The following SYT1 variants were observed in gnomAD, a reference collection of about 807,000 sequenced individuals.
The protein encoded by SYT1 is synaptotagmin-1.
A neutral mutation model predicts 44.8 loss-of-function variants in SYT1; 8 were observed. That is an observed-to-expected ratio of 0.18 (90% CI 0.10 to 0.32). The LOEUF is 0.32. SYT1 is among the 10% of genes least tolerant of loss of function. The pLI, the probability that SYT1 is intolerant of heterozygous loss-of-function variation, is 1.00. For synonymous variants in SYT1, 154 were observed against 188.8 expected, an observed-to-expected ratio of 0.82 and a Z score of 1.51; for missense variants, 286 against 509.3, an observed-to-expected ratio of 0.56 and a Z score of 4.22.
intron 3 of SYT1, among the ~76,000 whole-genome samples, chr12:79,121,289 C>A (rs1360433538): frequency 6.6e-6 from 1 of 152,074 alleles, no homozygotes; most frequent in African/African-American, 2.4e-5. Context: ...CACCTCCTTC[C>A]CAGCCATTGC....
At chr12:79,115,235 A>G (rs1316130794) in intron 3 of SYT1, among the ~76,000 whole-genome samples, 2 of 152,182 alleles carry the variant, frequency 1.3e-5, no homozygotes, top group South Asian at 2.1e-4. Context: ...GTCCATTTTT[A>G]TTACCTCTGG....
At chr12:78,967,622 T>A (rs188506361) in intron 1 of SYT1, among the ~76,000 whole-genome samples, 1 of 152,132 alleles carries the variant, frequency 6.6e-6, no homozygotes, top group East Asian at 1.9e-4. Flanking sequence ...GCATATGACA[T>A]TTCATTTGAG....
In SYT1 at chr12:79,287,690, A is replaced by C. The variant is rs117943027; in HGVS notation, c.351+1719A>C. ...TTTCTTCCTAGGACAATAAATCTAT[A>C]ATATTTGTGGGATTTGTTCTGTATG... is the stretch of plus-strand genomic sequence containing the variant. On this transcript the variant is annotated intron_variant, in intron 5 of 10. Coordinates refer to ENST00000261205, the MANE Select transcript of SYT1 (RefSeq NM_005639.3). Among the ~76,000 whole-genome samples, 858 of 152,236 alleles carry C rather than the reference A, an allele frequency of 5.6e-3. 25 individuals carry two copies. Among genetic ancestry groups the C allele is most frequent in the East Asian group, 0.038 (196 of 5,188 alleles).
intron 8 of SYT1, among the ~76,000 whole-genome samples, chr12:79,339,334 G>T (rs1175776642): frequency 6.6e-6 from 1 of 152,138 alleles, no homozygotes; most frequent in African/African-American, 2.4e-5. Flanking sequence ...AGCACCTGTT[G>T]TTTCCTGACT....
At chr12:78,876,809 A>ATT (rs1299573630) in intron 1 of SYT1, among the ~76,000 whole-genome samples, 9 of 23,348 alleles carry the variant, frequency 3.9e-4, no homozygotes, top group African/African-American at 1.4e-3. Context: ...TATTATATGT[A>ATT]ATACATATCA....
intron 3 of SYT1, among the ~76,000 whole-genome samples, chr12:79,057,105 T>G (rs1360273548): frequency 6.6e-6 from 1 of 152,042 alleles, no homozygotes; most frequent in Non-Finnish European, 1.5e-5. Flanking sequence ...AATAAGTATC[T>G]TAGCATTTTC....
At chr12:79,441,554 A>C (rs1328708654) in intron 9 of SYT1, among the ~76,000 whole-genome samples, 5 of 152,100 alleles carry the variant, frequency 3.3e-5, no homozygotes, top group Non-Finnish European at 7.4e-5. Flanking sequence ...ACCTCAGGTG[A>C]TCTACCTGCC....
intron 9 of SYT1, among the ~76,000 whole-genome samples, chr12:79,431,072 C>T (rs1337416356): frequency 2.6e-5 from 4 of 152,158 alleles, no homozygotes; most frequent in Non-Finnish European, 4.4e-5. Flanking sequence ...GTCTTACATC[C>T]GAAGTTATCA....
intron 8 of SYT1, among the ~76,000 whole-genome samples, chr12:79,317,810 C>T (rs1230261333): frequency 6.6e-6 from 1 of 152,126 alleles, no homozygotes; most frequent in Non-Finnish European, 1.5e-5. Context: ...ACTGAGTGCA[C>T]TGCTGTGGGT....
At chr12:79,356,352 C>G (rs1883111933) in intron 9 of SYT1, among the ~76,000 whole-genome samples, 2 of 151,992 alleles carry the variant, frequency 1.3e-5, no homozygotes, top group Admixed American at 1.3e-4. Context: ...TCATGCTTCT[C>G]TCTCACTAGA....
chr12:79,435,802 G>A (rs183112851), intron 9 of SYT1, among the ~76,000 whole-genome samples: 2 of 152,290 alleles, frequency 1.3e-5, no homozygotes, highest in Admixed American at 1.3e-4. Context: ...TATATTGTAT[G>A]TTTAGCAGAA....
chr12:79,448,900 T>C lies in SYT1; in HGVS notation c.1063-18T>C, dbSNP rs1386764808. 6.2e-7 allele frequency: 1 copy of C among 1,613,120 alleles called. No individual in the cohort carries two copies. Among genetic ancestry groups the C allele is most frequent in the Admixed American group, 1.7e-5 (1 of 60,002 alleles). The stretch of plus-strand genomic sequence containing the variant: ...TCTAGAGCTAGATGATTCATATTCA[T>C]TTCATGGCTTCTTTCAGAAAGTGCA... On this transcript the variant is annotated intron_variant, in intron 10 of 10. Coordinates refer to ENST00000261205, the MANE Select transcript of SYT1 (RefSeq NM_005639.3).
chr12:79,046,229 T>C (rs564467602), intron 2 of SYT1: 2 of 152,338 alleles, frequency 1.3e-5, no homozygotes, highest in South Asian at 4.1e-4. Context: ...AATACCGCTG[T>C]CACTTTAGAT....
intron 8 of SYT1, among the ~76,000 whole-genome samples, chr12:79,329,921 C>T (rs1416794470): frequency 2.0e-5 from 3 of 152,190 alleles, no homozygotes; most frequent in Non-Finnish European, 4.4e-5. Flanking sequence ...AAAATAATCC[C>T]TTTCTTGCAT....
At chr12:78,894,884 C>A (rs547448951) in intron 1 of SYT1, among the ~76,000 whole-genome samples, 1 of 151,456 alleles carries the variant, frequency 6.6e-6, no homozygotes, top group East Asian at 1.9e-4. Flanking sequence ...ATATTGTATA[C>A]TTGAAAATTG....
chr12:79,404,596 A>T (rs2136120989), intron 9 of SYT1, among the ~76,000 whole-genome samples: 1 of 152,314 alleles, frequency 6.6e-6, no homozygotes, highest in East Asian at 1.9e-4. Context: ...TATTCTACTT[A>T]GTGGTCAAGT....
At chr12:78,900,904 G>A (rs905916996) in intron 1 of SYT1, among the ~76,000 whole-genome samples, 1 of 152,048 alleles carries the variant, frequency 6.6e-6, no homozygotes, top group East Asian at 1.9e-4. Context: ...TTAATTCATT[G>A]CGGTTTGTCA....
At chr12:79,038,180 C>T (rs1263737180) in intron 2 of SYT1, among the ~76,000 whole-genome samples, 3 of 150,100 alleles carry the variant, frequency 2.0e-5, no homozygotes, top group South Asian at 2.1e-4. Flanking sequence ...TATATATATA[C>T]ACACACACAT....
At chr12:79,049,166 A>G (rs1459049284) in intron 3 of SYT1, among the ~76,000 whole-genome samples, 1 of 151,842 alleles carries the variant, frequency 6.6e-6, no homozygotes, top group African/African-American at 2.4e-5. Flanking sequence ...ATTTATGTAT[A>G]AGTTATTTGA....
Sources: gnomAD v4.1 joint callset for allele counts (sites outside exome capture counted in the v4.1 genomes callset) on GRCh38, gnomAD v4.1.1 for gene constraint, MANE v1.5 for transcripts, NCBI Gene and HGNC (gene_info 2026-07-23, HGNC 2026-07-21) for gene names.